The following DTNB variants were observed in gnomAD, a reference collection of about 807,000 sequenced individuals.
The protein encoded by DTNB is dystrobrevin beta.
In DTNB, 63 loss-of-function variants were observed where a neutral mutation model predicts 90.7. The observed-to-expected ratio is 0.69, with a 90% confidence interval of 0.57 to 0.86. The LOEUF (loss-of-function observed/expected upper bound fraction) is 0.86, where lower values mean the gene tolerates loss of function less well. DTNB is among the 40% of genes least tolerant of loss of function. The pLI is 0.00. For missense variants in DTNB, 744 were observed against 807.1 expected, an observed-to-expected ratio of 0.92 and a Z score of 0.95; for synonymous variants, 277 against 286.7, an observed-to-expected ratio of 0.97 and a Z score of 0.34.
chr2:25,592,892 G>A (rs139879182), intron 6 of DTNB, among the ~76,000 whole-genome samples: 29 of 152,268 alleles, frequency 1.9e-4, no homozygotes, highest in Admixed American at 3.3e-4. Flanking sequence ...TATCACTGTC[G>A]GATGGTGTCT....
intron 14 of DTNB, chr2:25,427,982 A>C (rs2052429382): frequency 5.7e-6 from 1 of 173,922 alleles, no homozygotes; most frequent in South Asian, 1.3e-4. Context: ...AACCATATTA[A>C]ACTGCTCAGA....
chr2:25,413,040 C>T (rs1446549102), intron 16 of DTNB, among the ~76,000 whole-genome samples: 2 of 152,036 alleles, frequency 1.3e-5, no homozygotes, highest in Admixed American at 6.6e-5. Context: ...TATTTTCAAA[C>T]GATGCAAATA....
intron 9 of DTNB, among the ~76,000 whole-genome samples, chr2:25,497,804 T>G (rs1474853261): frequency 2.0e-5 from 3 of 152,166 alleles, no homozygotes; most frequent in Admixed American, 2.0e-4. Flanking sequence ...GTGTTCCTGG[T>G]TTCTATCCCC....
intron 1 of DTNB, among the ~76,000 whole-genome samples, chr2:25,656,790 A>C (rs1219286044): frequency 6.6e-6 from 1 of 152,106 alleles, no homozygotes; most frequent in Non-Finnish European, 1.5e-5. Flanking sequence ...GCTTCATTTC[A>C]CCCAATTTAA....
chr2:25,605,885 T>C (rs552661929), intron 5 of DTNB, among the ~76,000 whole-genome samples: 1 of 152,312 alleles, frequency 6.6e-6, no homozygotes, highest in South Asian at 2.1e-4. Flanking sequence ...AAGAATATTT[T>C]GGGATATACC....
At chr2:25,580,971 A>AT in intron 6 of DTNB, 145 bp from the exon 7 acceptor site, 1 of 617,350 alleles carries the variant, frequency 1.6e-6, no homozygotes. Flanking sequence ...ATTACTACAG[A>AT]CACTACTACA....
At chr2:25,558,446 G>A (rs1332506077) in intron 8 of DTNB, 10 of 981,122 alleles carry the variant, frequency 1.0e-5, no homozygotes, top group Middle Eastern at 5.2e-4. Context: ...TGACAAAAGG[G>A]CTGTGGCTAA....
chr2:25,598,660 A>G (rs549028381), intron 5 of DTNB: 1 of 152,228 alleles, frequency 6.6e-6, no homozygotes, highest in African/African-American at 2.4e-5. Flanking sequence ...TCAAGTTCTA[A>G]AATAAAGACA....
intron 9 of DTNB, among the ~76,000 whole-genome samples, chr2:25,483,839 T>C (rs909944467): frequency 6.6e-6 from 1 of 152,238 alleles, no homozygotes; most frequent in Non-Finnish European, 1.5e-5. Context: ...AGTACAGTCA[T>C]GTGCCACACA....
At chr2:25,481,385 A>G (rs924660162) in intron 10 of DTNB, among the ~76,000 whole-genome samples, 1 of 149,214 alleles carries the variant, frequency 6.7e-6, no homozygotes, top group Non-Finnish European at 1.5e-5. Context: ...AGCCTGGGTG[A>G]CAGACAGAGA....
intron 12 of DTNB, among the ~76,000 whole-genome samples, chr2:25,448,187 T>C (rs956435834): frequency 6.6e-6 from 1 of 152,250 alleles, no homozygotes; most frequent in Non-Finnish European, 1.5e-5. Context: ...TTTGTAGTTA[T>C]GTTTAGTAGT....
chr2:25,446,966 G>A (rs2150092204), intron 12 of DTNB, among the ~76,000 whole-genome samples: 1 of 152,020 alleles, frequency 6.6e-6, no homozygotes, highest in South Asian at 2.1e-4. Flanking sequence ...ATATTTTCTA[G>A]TTCACTAATT....
chr2:25,437,155 C>T (rs4499386), intron 12 of DTNB, among the ~76,000 whole-genome samples: 132,942 of 152,172 alleles, frequency 0.87, 58,431 homozygotes, highest in Non-Finnish European at 0.92. Context: ...GGTGTCCCGG[C>T]AGGACTCCTC....
intron 1 of DTNB, among the ~76,000 whole-genome samples, chr2:25,665,195 T>C (rs2084130322): frequency 6.6e-6 from 1 of 152,238 alleles, no homozygotes; most frequent in African/African-American, 2.4e-5. Flanking sequence ...TTTATTTCCT[T>C]TCCATCTTTT....
chr2:25,536,831 C>T (rs887371297), intron 8 of DTNB, among the ~76,000 whole-genome samples: 1 of 152,112 alleles, frequency 6.6e-6, no homozygotes, highest in East Asian at 1.9e-4. Context: ...CAACCAGCGC[C>T]TCCCGGGTTC....
At chr2:25,625,551 A>ATTTTTT (rs66586812) in intron 4 of DTNB, among the ~76,000 whole-genome samples, 1 of 73,944 alleles carries the variant, frequency 1.4e-5, no homozygotes, top group Non-Finnish European at 2.5e-5. Context: ...TAACTCACTC[A>ATTTTTT]TTTTTTTTTT....
intron 8 of DTNB, among the ~76,000 whole-genome samples, chr2:25,537,534 A>G (rs1351892722): frequency 6.6e-6 from 1 of 152,238 alleles, no homozygotes; most frequent in Admixed American, 6.5e-5. Context: ...ACTAAGGCCT[A>G]GGAGAAACCA....
intron 8 of DTNB, among the ~76,000 whole-genome samples, chr2:25,573,447 G>A (rs934266362): frequency 2.0e-5 from 3 of 152,186 alleles, no homozygotes; most frequent in Non-Finnish European, 4.4e-5. Context: ...GTGGCTTAAA[G>A]CCTTTCTCAA....
intron 4 of DTNB, among the ~76,000 whole-genome samples, chr2:25,610,105 T>G (rs539256886): frequency 7.2e-5 from 11 of 152,294 alleles, no homozygotes; most frequent in African/African-American, 1.9e-4. Flanking sequence ...CTATATTTTT[T>G]TTGTTGTTGT....
Sources: allele counts gnomAD v4.1 joint callset (sites outside exome capture counted in the v4.1 genomes callset), GRCh38; gene constraint gnomAD v4.1.1; transcripts MANE v1.5; gene names NCBI Gene and HGNC (gene_info 2026-07-23, HGNC 2026-07-21).